DHDDS: variants seen among roughly 807,000 people sequenced by gnomAD.
The protein encoded by DHDDS is dehydrodolichyl diphosphate synthase subunit, also known as dehydrodolichyl diphosphate synthase complex subunit DHDDS.
Under a neutral mutation model 46.2 loss-of-function variants are expected in DHDDS, and 16 were observed. The observed-to-expected ratio is 0.35, with a 90% confidence interval of 0.23 to 0.53. DHDDS has a LOEUF of 0.53. Ranked by LOEUF, DHDDS falls within the 20% of genes least tolerant of loss-of-function variation. The probability of loss-of-function intolerance (pLI) is 0.94; values close to 1 mark genes in which losing one functional copy is unlikely to be tolerated. For missense variants in DHDDS, 340 were observed against 423.7 expected (o/e 0.80, Z 1.73); for synonymous variants, 151 against 163.1 (o/e 0.93, Z 0.56).
In DHDDS at chr1:26,432,878, T is replaced by C; in HGVS notation, c.-55-13T>C. ...CCTTGGTGACTTCTTATTTTCTTTC[T>C]TGTTTATCCAAGATTACCTGGCTGG... On this transcript the variant is annotated splice_polypyrimidine_tract_variant and intron_variant, in intron 1 of 8. Transcript: ENST00000236342. 1 of 1,566,412 alleles carries C rather than the reference T, an allele frequency of 6.4e-7. No individual in the cohort carries two copies. Among genetic ancestry groups the C allele is most frequent in the Non-Finnish European group, 8.8e-7 (1 of 1,136,862 alleles).
chr1:26,466,840 C>T (rs1255388118), intron 8 of DHDDS, among the ~76,000 whole-genome samples: 3 of 152,208 alleles, frequency 2.0e-5, no homozygotes, highest in Admixed American at 6.5e-5. Flanking sequence ...TCTCATTTTT[C>T]CTCAAACAAC....
chr1:26,465,201 G>T (rs970604280), intron 8 of DHDDS, among the ~76,000 whole-genome samples: 1 of 152,156 alleles, frequency 6.6e-6, no homozygotes, highest in Non-Finnish European at 1.5e-5. Flanking sequence ...CATCTCCAAG[G>T]ATGATATTAG....
chr1:26,438,352 GCT>G (rs2075182552), intron 3 of DHDDS, 68 bp downstream of exon 3: 1 of 1,431,024 alleles, frequency 7.0e-7, no homozygotes. Flanking sequence ...AGAAAACCAG[GCT>G]CTGAGTTTGC....
rs761300466 is a variant in DHDDS at position 26,469,512 on chromosome 1, C to G, written c.*381C>G. Reference sequence around the variant, plus strand: ...CCAAAACCCTAGCTCTTTACCCTTCCATTTTAGCCTTCCACCCAGCTTCCA... The same window carrying G: ...CCAAAACCCTAGCTCTTTACCCTTCGATTTTAGCCTTCCACCCAGCTTCCA... On this transcript the variant is annotated 3_prime_UTR_variant, in exon 9 of 9. Transcript: ENST00000236342. 1.6e-4 allele frequency: 49 copies of G among 304,768 alleles called. No individual in the cohort carries two copies. The highest frequency in any genetic ancestry group is 2.7e-4 in the Non-Finnish European group (42 of 155,682). The allele number at this position is 304,768 out of a possible 1,614,324, so 18.9% of individuals were successfully genotyped here.
At chr1:26,438,025 A>T in intron 2 of DHDDS, 143 bp from the exon 3 acceptor site, 1 of 797,250 alleles carries the variant, frequency 1.3e-6, no homozygotes, top group African/African-American at 1.7e-5. Flanking sequence ...ATGTCTTTTT[A>T]CTGAGTTAAA....
intron 3 of DHDDS, among the ~76,000 whole-genome samples, chr1:26,441,928 T>C (rs2075222968): frequency 2.6e-5 from 4 of 151,496 alleles, no homozygotes; most frequent in Admixed American, 6.6e-5. Flanking sequence ...GTAGGACATT[T>C]CCATCTCTCC....
intron 6 of DHDDS, among the ~76,000 whole-genome samples, chr1:26,449,715 T>C (rs752718906): frequency 3.3e-5 from 5 of 152,096 alleles, no homozygotes; most frequent in Non-Finnish European, 5.9e-5. Flanking sequence ...CATGCCACCA[T>C]GCCCAGCTAA....
chr1:26,433,612 CTCCAGCCTGGGTGA>C (rs1357142596), intron 2 of DHDDS, among the ~76,000 whole-genome samples: 1 of 149,976 alleles, frequency 6.7e-6, no homozygotes, highest in Non-Finnish European at 1.5e-5. Flanking sequence ...TGCCACCACA[CTCCAGCCTGGGTGA>C]CAGAACGGGA....
chr1:26,450,302 C>T (rs1385815476), intron 6 of DHDDS, among the ~76,000 whole-genome samples: 1 of 152,148 alleles, frequency 6.6e-6, no homozygotes, highest in Non-Finnish European at 1.5e-5. Context: ...ACCACCTACC[C>T]AGCTAACTTT....
chr1:26,435,604 ATTTTTG>A (rs1256221531), intron 2 of DHDDS, among the ~76,000 whole-genome samples: 2 of 150,314 alleles, frequency 1.3e-5, no homozygotes, highest in African/African-American at 4.9e-5. Flanking sequence ...CACCTGGCTA[ATTTTTG>A]TTTTTGTTTT....
intron 6 of DHDDS, among the ~76,000 whole-genome samples, chr1:26,456,825 T>C (rs1205994266): frequency 6.6e-6 from 1 of 152,248 alleles, no homozygotes; most frequent in African/African-American, 2.4e-5. Flanking sequence ...TTGTTCTTTA[T>C]GTATACTTAT....
Position 26,469,340 on chromosome 1 carries a change from C to T in DHDDS, c.*209C>T. On this transcript the variant is annotated 3_prime_UTR_variant, in exon 9 of 9. Transcript: ENST00000236342. Reference sequence around the variant, plus strand: ...TGAGGAGGATTGAGGGTGAAAGTCTCCCACGAGTACACTAAACCTAGGTCT... The same window carrying T: ...TGAGGAGGATTGAGGGTGAAAGTCTTCCACGAGTACACTAAACCTAGGTCT... 1.2e-6 allele frequency: 1 copy of T among 862,958 alleles called. No individual in the cohort carries two copies. The highest frequency in any genetic ancestry group is 1.6e-5 in the South Asian group (1 of 61,984). The allele number at this position is 862,958 out of a possible 1,614,324, so 53.5% of individuals were successfully genotyped here.
chr1:26,438,375 G>A, intron 3 of DHDDS, 91 bp downstream of exon 3: 1 of 1,211,148 alleles, frequency 8.3e-7, no homozygotes, highest in Non-Finnish European at 1.2e-6. Flanking sequence ...TGTGGTTGGA[G>A]AGTGTTTTTT....
Position 26,469,173 on chromosome 1 carries a change from C to G in DHDDS, c.*42C>G. On this transcript the variant is annotated 3_prime_UTR_variant, in exon 9 of 9. Coordinates refer to ENST00000236342, the MANE Select transcript of DHDDS (RefSeq NM_205861.3). Reference sequence around the variant, plus strand: ...GCCACTTTGCCCTGCCCTCTGCCTCCAGGGCTCCACTCCCCTTCCTTTTCT... The same window carrying G: ...GCCACTTTGCCCTGCCCTCTGCCTCGAGGGCTCCACTCCCCTTCCTTTTCT... 6.2e-7 allele frequency: 1 copy of G among 1,610,632 alleles called. No individual in the cohort carries two copies. Among genetic ancestry groups the G allele is most frequent in the Non-Finnish European group, 8.5e-7 (1 of 1,180,024 alleles).
At chr1:26,454,572 A>T in intron 6 of DHDDS, 1 of 714,252 alleles carries the variant, frequency 1.4e-6, no homozygotes, top group Non-Finnish European at 2.4e-6. Flanking sequence ...TATAAGGTGG[A>T]TAGGACAAAT....
At position 26,442,896 on chromosome 1, in the gene DHDDS, A is replaced by G. The variant is rs769005412; in HGVS notation, c.323+23A>G. The G allele has an allele frequency of 3.1e-6, 5 of 1,613,696 alleles. No individual in the cohort carries two copies. The South Asian group carries it at 5.5e-5, about 18-fold the overall frequency. On this transcript the variant is annotated intron_variant, in intron 4 of 8. Coordinates refer to ENST00000236342, the MANE Select transcript of DHDDS (RefSeq NM_205861.3). ...AAAGTAAGATGCTATCAGAGGGGAG[A>G]GCATGTTCTTCCACCACCCCCAGCC...
intron 8 of DHDDS, 84 bp from the exon 9 acceptor site, chr1:26,468,811 G>GCCCCCCCCC: frequency 1.6e-6 from 1 of 637,978 alleles, no homozygotes; most frequent in Non-Finnish European, 2.6e-6. Flanking sequence ...CCCACCCTGT[G>GCCCCCCCCC]CCCCACCCCC....
chr1:26,450,547 C>A (rs1040373685), intron 6 of DHDDS, among the ~76,000 whole-genome samples: 1 of 152,058 alleles, frequency 6.6e-6, no homozygotes, highest in African/African-American at 2.4e-5. Flanking sequence ...GCTTTATAAG[C>A]AAAAACACAG....
chr1:26,454,527 C>A (rs939655264), intron 6 of DHDDS: 5 of 566,592 alleles, frequency 8.8e-6, no homozygotes, highest in Non-Finnish European at 1.5e-5. Flanking sequence ...GCACTCAAAT[C>A]TATTATTTCA....
Sources: gnomAD v4.1 joint callset for allele counts (sites outside exome capture counted in the v4.1 genomes callset) on GRCh38, gnomAD v4.1.1 for gene constraint, MANE v1.5 for transcripts, NCBI Gene and HGNC (gene_info 2026-07-23, HGNC 2026-07-21) for gene names.